The following TXNRD1 variants were observed in gnomAD, a reference collection of about 807,000 sequenced individuals.
TXNRD1 encodes the protein thioredoxin reductase 1, cytoplasmic.
Under a neutral mutation model 80.3 loss-of-function variants are expected in TXNRD1, and 57 were observed. The ratio of observed to expected loss-of-function variants is 0.71; its 90% CI spans 0.57 to 0.89. The LOEUF (loss-of-function observed/expected upper bound fraction) is 0.89. Ranked by LOEUF, TXNRD1 falls within the 40% of genes least tolerant of loss-of-function variation. The pLI, the probability that TXNRD1 is intolerant of heterozygous loss-of-function variation, is 0.00. For synonymous variants in TXNRD1, 291 were observed against 285.2 expected (o/e 1.02, Z -0.20); for missense variants, 730 against 803.0 (o/e 0.91, Z 1.10).
In TXNRD1 at chr12:104,344,481, GTACATATT is replaced by G. The variant is rs1207298755; in HGVS notation, c.1882-3869_1882-3862del. Among the ~76,000 whole-genome samples, 9 of 151,900 alleles carry G rather than the reference GTACATATT, an allele frequency of 5.9e-5. No homozygotes were observed. In the South Asian group the frequency reaches 6.2e-4, roughly 10 times the overall value. On this transcript the variant is annotated intron_variant, in intron 16 of 16. Coordinates refer to ENST00000525566, the MANE Select transcript of TXNRD1 (RefSeq NM_001093771.3). ...ATTATTTTTAATTGACACAATAATT[GTACATATT>G]TATGGGGTGCATAGTGATGTTTTGA... is the stretch of plus-strand genomic sequence containing the variant.
chr12:104,252,063 CAAAAAAA>C (rs60195108), intron 2 of TXNRD1, among the ~76,000 whole-genome samples: 9 of 55,084 alleles, frequency 1.6e-4, no homozygotes, highest in African/African-American at 4.9e-4. Flanking sequence ...GACTCCATCT[CAAAAAAA>C]AAAAAAAAAA....
At chr12:104,344,858 C>G (rs1445448424) in intron 16 of TXNRD1, among the ~76,000 whole-genome samples, 1 of 152,186 alleles carries the variant, frequency 6.6e-6, no homozygotes, top group Non-Finnish European at 1.5e-5. Flanking sequence ...CCATATGATC[C>G]AGCAATCCCA....
intron 12 of TXNRD1, 54 bp from the exon 13 acceptor site, chr12:104,327,461 C>A (rs2035803223): frequency 1.7e-5 from 26 of 1,533,498 alleles, no homozygotes; most frequent in Non-Finnish European, 2.3e-5. Flanking sequence ...AGATTTTGTT[C>A]TCCTTAATTA....
intron 7 of TXNRD1, 98 bp downstream of exon 7, chr12:104,315,994 C>A (rs1286401729): frequency 2.2e-6 from 3 of 1,339,806 alleles, no homozygotes; most frequent in Non-Finnish European, 2.0e-6. Context: ...TAGCAAATAG[C>A]CTAGTTGTTT....
Position 104,313,258 on chromosome 12 carries a change from A to G in TXNRD1, c.551A>G (p.Tyr184Cys), listed in dbSNP as rs939732681. ...GLAAAKEAAQ[Y>C]GKKVMVLDFV... ...TTTATTTTCCAGGAGGCAGCCCAATATGGCAAGAAGGTGATGGTCCTGGAC... is the reference window on the plus strand; with the variant it reads ...TTTATTTTCCAGGAGGCAGCCCAATGTGGCAAGAAGGTGATGGTCCTGGAC... The change falls in exon 6 of 17, where the codon TAT becomes TGT. Residue 184 changes from tyrosine (Y) to cysteine (C), a missense_variant. Transcript: ENST00000525566. 9 of 1,586,832 alleles carry G rather than the reference A, an allele frequency of 5.7e-6. No individual in the cohort carries two copies. Among genetic ancestry groups the G allele is most frequent in the African/African-American group, 5.4e-5 (4 of 74,554 alleles).
intron 4 of TXNRD1, among the ~76,000 whole-genome samples, chr12:104,299,810 C>G (rs1028111873): frequency 6.6e-6 from 1 of 151,676 alleles, no homozygotes; most frequent in Non-Finnish European, 1.5e-5. Flanking sequence ...GAAACTATAC[C>G]TAATGTCCTG....
intron 3 of TXNRD1, among the ~76,000 whole-genome samples, chr12:104,271,447 G>A (rs1297182313): frequency 6.6e-6 from 1 of 152,090 alleles, no homozygotes; most frequent in East Asian, 1.9e-4. Context: ...AAAGTGCTGG[G>A]ATTACAGGCA....
At chr12:104,305,537 G>T (rs1344585433) in intron 4 of TXNRD1, among the ~76,000 whole-genome samples, 1 of 152,170 alleles carries the variant, frequency 6.6e-6, no homozygotes, top group Non-Finnish European at 1.5e-5. Context: ...AAGGGTGAAA[G>T]GTGAGTAGAA....
chr12:104,294,241 C>CG (rs1005341554), intron 4 of TXNRD1, among the ~76,000 whole-genome samples: 6 of 124,706 alleles, frequency 4.8e-5, no homozygotes, highest in East Asian at 3.4e-4. Context: ...AGGCCCCCCC[C>CG]CCCGCCGCCG....
chr12:104,292,411 G>A (rs2034256288), intron 4 of TXNRD1, among the ~76,000 whole-genome samples: 1 of 144,032 alleles, frequency 6.9e-6, no homozygotes, highest in Admixed American at 7.0e-5. Context: ...TTTTTGAGAT[G>A]GAGTTCTGCT....
At chr12:104,303,767 C>A in intron 4 of TXNRD1, 1 of 1,180,192 alleles carries the variant, frequency 8.5e-7, no homozygotes, top group South Asian at 1.7e-5. Context: ...CTCTAACTGC[C>A]GCCACTTTCC....
At chr12:104,318,011 C>T (rs2035390310) in intron 7 of TXNRD1, among the ~76,000 whole-genome samples, 1 of 152,136 alleles carries the variant, frequency 6.6e-6, no homozygotes, top group Non-Finnish European at 1.5e-5. Flanking sequence ...CATGATGGCC[C>T]ACACTTGTAG....
chr12:104,270,739 T>C (rs911083857), intron 3 of TXNRD1, among the ~76,000 whole-genome samples: 4 of 152,130 alleles, frequency 2.6e-5, no homozygotes, highest in African/African-American at 9.7e-5. Flanking sequence ...TGTATGTTTT[T>C]CCTCCGAGAA....
rs757573814 is a variant in TXNRD1 at position 104,339,121 on chromosome 12, T to A, written c.1747-18T>A. On this transcript the variant is annotated intron_variant, in intron 15 of 16. Coordinates refer to ENST00000525566, the MANE Select transcript of TXNRD1 (RefSeq NM_001093771.3). The stretch of plus-strand genomic sequence containing the variant: ...AAAAATCAGCTTAATTGCATTATTG[T>A]ATTTTTTTTTGCCTTAGGAACGTGT... The A allele has an allele frequency of 6.2e-7, 1 of 1,612,950 alleles. No individual in the cohort carries two copies. The highest frequency in any genetic ancestry group is 1.3e-5 in the African/African-American group (1 of 74,996).
chr12:104,252,690 A>ATTTTTTTTTT (rs869239974), intron 2 of TXNRD1, among the ~76,000 whole-genome samples: 4 of 39,650 alleles, frequency 1.0e-4, no homozygotes, highest in African/African-American at 4.7e-4. Flanking sequence ...ATATATATAT[A>ATTTTTTTTTT]TTTTTTTTTT....
chr12:104,304,097 C>G (rs940337361), intron 4 of TXNRD1: 1 of 1,613,864 alleles, frequency 6.2e-7, no homozygotes, highest in Admixed American at 1.7e-5. Flanking sequence ...GCGGCAGAAC[C>G]GGGAGGACAT....
chr12:104,329,386 C>T (rs1486877707), intron 13 of TXNRD1, among the ~76,000 whole-genome samples: 3 of 151,810 alleles, frequency 2.0e-5, no homozygotes, highest in Non-Finnish European at 2.9e-5. Context: ...CACAGTGGCT[C>T]ACACCTGTAA....
chr12:104,302,478 T>G (rs2034665541), intron 4 of TXNRD1, among the ~76,000 whole-genome samples: 1 of 129,946 alleles, frequency 7.7e-6, no homozygotes, highest in Admixed American at 8.4e-5. Flanking sequence ...ACCAGATGTA[T>G]TCATTCCCTT....
intron 3 of TXNRD1, chr12:104,283,026 A>C (rs1302510591): frequency 6.6e-6 from 1 of 152,146 alleles, no homozygotes. Context: ...GTAAAACAAC[A>C]ATGCATTTGT....
Sources: gnomAD v4.1 joint callset for allele counts (sites outside exome capture counted in the v4.1 genomes callset) on GRCh38, gnomAD v4.1.1 for gene constraint, MANE v1.5 for transcripts, NCBI Gene and HGNC (gene_info 2026-07-23, HGNC 2026-07-21) for gene names.